KCNQ1: variants seen among roughly 807,000 people sequenced by gnomAD.
KCNQ1 encodes the protein potassium voltage-gated channel subfamily KQT member 1.
In KCNQ1, 49 loss-of-function variants were observed where a neutral mutation model predicts 72.4. The ratio of observed to expected loss-of-function variants is 0.68; its 90% confidence interval spans 0.54 to 0.86. The LOEUF (loss-of-function observed/expected upper bound fraction) is 0.86, where lower values mean the gene tolerates loss of function less well. Among genes scored for constraint, KCNQ1 ranks in the 40% least tolerant of loss-of-function variants. The pLI is 0.00. For missense variants in KCNQ1, 790 were observed against 945.1 expected (o/e 0.84, Z 2.15); for synonymous variants, 450 against 412.6 (o/e 1.09, Z -1.10).
At position 2,678,749 on chromosome 11, in the gene KCNQ1, G is replaced by C; in HGVS notation, c.1514+16668G>C. On this transcript the variant is annotated intron_variant, in intron 11 of 15. Coordinates refer to ENST00000155840, the MANE Select transcript of KCNQ1 (RefSeq NM_000218.3). The surrounding 1 kb of genome is among the most constrained non-coding windows in gnomAD (Gnocchi z 4.9). ...AGCTCTTGAGTTAGACAGGAAGCTG[G>C]GGTGTTTGGGACTGAGGCTTCATCG... The C allele has an allele frequency of 7.5e-6, 3 of 398,548 alleles. No individual in the cohort carries two copies. In the East Asian group the frequency reaches 1.1e-4, roughly 14 times the overall value. 24.7% of individuals were successfully genotyped at this position (398,548 alleles called of 1,614,324 possible).
rs534275825 is a variant in KCNQ1, at chr11:2,816,785, C to T, written c.1795-30982C>T. Reference sequence around the variant, plus strand: ...AGCTCATGCTTTCCAAAGTCCCCTGCTCAGGAGGCCTTCCCTGAGCCCCTG... The same window carrying T: ...AGCTCATGCTTTCCAAAGTCCCCTGTTCAGGAGGCCTTCCCTGAGCCCCTG... On this transcript the variant is annotated intron_variant, in intron 15 of 15. Transcript: ENST00000155840. This position sits in a 1 kb window ranked among gnomAD's most constrained non-coding sequence, Gnocchi z 6.8. 1.3e-5 allele frequency among the ~76,000 whole-genome samples: 2 copies of T among 152,212 alleles called. No individual in the cohort carries two copies. The highest frequency in any genetic ancestry group is 4.1e-4 in the South Asian group (2 of 4,830).
chr11:2,776,768 A>C (rs1846710241), intron 13 of KCNQ1, among the ~76,000 whole-genome samples: 1 of 151,002 alleles, frequency 6.6e-6, no homozygotes. Flanking sequence ...CAGCCCACCG[A>C]CTCCCCCTTT....
intron 10 of KCNQ1, chr11:2,628,243 A>G (rs1589990620): frequency 2.5e-6 from 1 of 398,612 alleles, no homozygotes; most frequent in East Asian, 3.6e-5. Context: ...ATCAATTTAC[A>G]TTCCTAACAA....
At chr11:2,837,882 T>G (rs1054564155) in intron 15 of KCNQ1, among the ~76,000 whole-genome samples, 1 of 152,078 alleles carries the variant, frequency 6.6e-6, no homozygotes, top group African/African-American at 2.4e-5. Flanking sequence ...GGCTGGTATC[T>G]CGAGAACAGC....
At chr11:2,833,953 C>A (rs974040494) in intron 15 of KCNQ1, among the ~76,000 whole-genome samples, 1 of 152,220 alleles carries the variant, frequency 6.6e-6, no homozygotes, top group African/African-American at 2.4e-5. Context: ...CACCTCCTCA[C>A]CCCCTTCCCA....
chr11:2,716,119 C>T (rs1424382597), intron 11 of KCNQ1, among the ~76,000 whole-genome samples: 1 of 152,162 alleles, frequency 6.6e-6, no homozygotes, highest in Non-Finnish European at 1.5e-5. Flanking sequence ...CTCCCTTGAG[C>T]GTTTTGGTTG....
Position 2,613,846 on chromosome 11 carries a change from T to G in KCNQ1, c.1393+24992T>G, listed in dbSNP as rs2133794098. 2.5e-6 allele frequency: 1 copy of G among 398,574 alleles called. No individual in the cohort carries two copies. Among genetic ancestry groups the G allele is most frequent in the East Asian group, 3.6e-5 (1 of 28,052 alleles). 24.7% of individuals were successfully genotyped at this position (398,574 alleles called of 1,614,324 possible). A position where few individuals can be genotyped will look rare whatever the true frequency, so the allele number is the denominator to read the frequency against. Reference sequence around the variant, plus strand: ...TAACCAGTTTCAGTGTTTTCTAGTTTATAGTTTGTGTGTGTTTGCTCTTTA... The same window carrying G: ...TAACCAGTTTCAGTGTTTTCTAGTTGATAGTTTGTGTGTGTTTGCTCTTTA... On this transcript the variant is annotated intron_variant, in intron 10 of 15. Coordinates refer to ENST00000155840, the MANE Select transcript of KCNQ1 (RefSeq NM_000218.3). The surrounding 1 kb of genome is among the most constrained non-coding windows in gnomAD (Gnocchi z 4.8).
At chr11:2,755,900 T>C (rs1209437635) in intron 11 of KCNQ1, among the ~76,000 whole-genome samples, 1 of 151,656 alleles carries the variant, frequency 6.6e-6, no homozygotes, top group Non-Finnish European at 1.5e-5. Flanking sequence ...GACAGAAAAA[T>C]GGCCAAAGAC....
chr11:2,769,569 C>A lies in KCNQ1; in HGVS notation c.1590+650C>A, dbSNP rs963393413. Among the ~76,000 whole-genome samples the A allele has an allele frequency of 2.0e-5, 3 of 152,220 alleles. No individual in the cohort carries two copies. The highest frequency in any genetic ancestry group is 2.0e-4 in the Admixed American group (3 of 15,290). ...GCCCCGCAGAGAATGCCATTGATGG[C>A]AGGCATGTCTCCCCTCCTGCCTTGG... On this transcript the variant is annotated intron_variant, in intron 12 of 15. Transcript: ENST00000155840. This position sits in a 1 kb window ranked among gnomAD's most constrained non-coding sequence, Gnocchi z 4.6.
Position 2,445,255 on chromosome 11 carries a change from C to T in KCNQ1, c.157C>T (p.Pro53Ser). The part of the protein sequence containing the change: ...GGPAGGALYA[P>S]IAPGAPGPAP... ...CCCGGCGGGCGGCGCGCTCTACGCG[C>T]CCATCGCGCCCGGCGCCCCAGGTCC... The change falls in exon 1 of 16, where the codon CCC becomes TCC. Residue 53 changes from proline (P) to serine (S), a missense_variant. Around this residue, in one of 5 missense-constraint regions of KCNQ1, gnomAD observed 294 missense variants for 323.3 expected, o/e 0.91. Coordinates refer to ENST00000155840, the MANE Select transcript of KCNQ1 (RefSeq NM_000218.3). The T allele has an allele frequency of 8.3e-7, 1 of 1,205,480 alleles. No individual in the cohort carries two copies. The highest frequency in any genetic ancestry group is 1.0e-6 in the Non-Finnish European group (1 of 974,992). 74.7% of individuals were successfully genotyped at this position (1,205,480 alleles called of 1,614,324 possible). A position where few individuals can be genotyped will look rare whatever the true frequency, so the allele number is the denominator to read the frequency against.
intron 1 of KCNQ1, among the ~76,000 whole-genome samples, chr11:2,467,477 A>G (rs1846368891): frequency 6.6e-6 from 1 of 152,090 alleles, no homozygotes; most frequent in Non-Finnish European, 1.5e-5. Context: ...GGCTCAGCTG[A>G]GAAGCCACCA....
At chr11:2,605,238 T>C (rs1848863036) in intron 10 of KCNQ1, among the ~76,000 whole-genome samples, 2 of 152,188 alleles carry the variant, frequency 1.3e-5, no homozygotes, top group South Asian at 4.1e-4. Context: ...CATCTGTAGG[T>C]TGTCTTTTCA....
intron 1 of KCNQ1, among the ~76,000 whole-genome samples, chr11:2,520,852 G>GA (rs1847370979): frequency 6.6e-6 from 1 of 151,988 alleles, no homozygotes; most frequent in African/African-American, 2.4e-5. Flanking sequence ...TTAATCTCTT[G>GA]AAGTTACACA....
intron 10 of KCNQ1, chr11:2,614,344 G>C: frequency 7.5e-6 from 3 of 398,382 alleles, no homozygotes; most frequent in Admixed American, 4.4e-5. Context: ...TTAGTCTTCT[G>C]TGCACCCTTT....
At chr11:2,662,588 C>T (rs1405128862) in intron 11 of KCNQ1, 5 of 417,940 alleles carry the variant, frequency 1.2e-5, no homozygotes, top group Admixed American at 3.9e-5. Context: ...GATGCATGCC[C>T]GTCCTCCCCC....
rs537906734 is a variant in KCNQ1, at chr11:2,802,603, C to T, written c.1794+24566C>T. On this transcript the variant is annotated intron_variant, in intron 15 of 15. Coordinates refer to ENST00000155840, the MANE Select transcript of KCNQ1 (RefSeq NM_000218.3). ...GCCAGCCTAGTGCCTCCTGGGTCCCCAGGGTATAGGGCCAGACCCCAAGGC... is the reference window on the plus strand; with the variant it reads ...GCCAGCCTAGTGCCTCCTGGGTCCCTAGGGTATAGGGCCAGACCCCAAGGC... Among the ~76,000 whole-genome samples the T allele has an allele frequency of 9.2e-5, 14 of 151,820 alleles. No individual in the cohort carries two copies. The East Asian group carries it at 2.1e-3, about 23-fold the overall frequency.
chr11:2,485,468 CTCTT>C (rs1358050566), intron 1 of KCNQ1, among the ~76,000 whole-genome samples: 1 of 151,716 alleles, frequency 6.6e-6, no homozygotes, highest in African/African-American at 2.4e-5. Flanking sequence ...CCTGTATCCC[CTCTT>C]TCTTACAAAA....
In KCNQ1 at chr11:2,671,168, G is replaced by T. The variant is rs546011661; in HGVS notation, c.1514+9087G>T. The stretch of plus-strand genomic sequence containing the variant: ...GCCTGAGGTGCCATCTTAGAAATAG[G>T]GCCTTGTTAGGAGAAAAGGAAAGAA... On this transcript the variant is annotated intron_variant, in intron 11 of 15. Transcript: ENST00000155840. The surrounding 1 kb of genome is among the most constrained non-coding windows in gnomAD (Gnocchi z 4.7). 10 of 398,592 alleles carry T rather than the reference G, an allele frequency of 2.5e-5. No homozygotes were observed. In the South Asian group the frequency reaches 1.3e-3, roughly 51 times the overall value. The allele number at this position is 398,592 out of a possible 1,614,324, so 24.7% of individuals were successfully genotyped here. A position where few individuals can be genotyped will look rare whatever the true frequency, so the allele number is the denominator to read the frequency against.
Position 2,737,782 on chromosome 11 carries a change from G to A in KCNQ1, c.1515-31062G>A, listed in dbSNP as rs112478068. Reference sequence around the variant, plus strand: ...CCTCGCTGCCAGGGAGAGTGGGGCTGCAGCAGGGTGCGACCGTCACAGCCC... The same window carrying A: ...CCTCGCTGCCAGGGAGAGTGGGGCTACAGCAGGGTGCGACCGTCACAGCCC... On this transcript the variant is annotated intron_variant, in intron 11 of 15. Transcript: ENST00000155840. 6.4e-4 allele frequency among the ~76,000 whole-genome samples: 97 copies of A among 152,314 alleles called. 1 individual carries two copies. Among genetic ancestry groups the A allele is most frequent in the African/African-American group, 2.3e-3 (94 of 41,572 alleles).
Sources: allele counts gnomAD v4.1 joint callset (sites outside exome capture counted in the v4.1 genomes callset), GRCh38; gene constraint gnomAD v4.1.1; regional missense constraint gnomAD v4.1.1; non-coding constraint Gnocchi (gnomAD v3.1); transcripts MANE v1.5; gene names NCBI Gene and HGNC (gene_info 2026-07-23, HGNC 2026-07-21).